Variants in SIPA1L1 observed in about 807,000 individuals in gnomAD.
SIPA1L1 encodes signal induced proliferation associated 1 like 1.
SIPA1L1 carries 26 observed loss-of-function variants against 162.7 expected under a neutral mutation model. That is an observed-to-expected ratio of 0.16 (90% CI 0.12 to 0.22). SIPA1L1 has a LOEUF of 0.22. SIPA1L1 is among the 10% of genes least tolerant of loss of function. SIPA1L1 has a pLI of 1.00. For missense variants in SIPA1L1, 1,874 were observed against 2,241.0 expected (o/e 0.84, Z 3.31); for synonymous variants, 829 against 837.4 (o/e 0.99, Z 0.17).
At chr14:71,549,129 G>A (rs977106767) in intron 4 of SIPA1L1, among the ~76,000 whole-genome samples, 12 of 152,182 alleles carry the variant, frequency 7.9e-5, no homozygotes, top group African/African-American at 1.2e-4. Flanking sequence ...AAGTGCTGGA[G>A]AAAGATTTGG....
At chr14:71,342,030 G>A (rs1413504392) in intron 2 of SIPA1L1, among the ~76,000 whole-genome samples, 3 of 151,934 alleles carry the variant, frequency 2.0e-5, no homozygotes, top group Non-Finnish European at 4.4e-5. Flanking sequence ...TGGAGACAGG[G>A]TCTCACTTTG....
chr14:71,358,334 A>G (rs774378305), intron 2 of SIPA1L1, among the ~76,000 whole-genome samples: 1 of 152,218 alleles, frequency 6.6e-6, no homozygotes, highest in Non-Finnish European at 1.5e-5. Flanking sequence ...AGCTGCAAAA[A>G]TGGAGGGGAT....
chr14:71,383,139 G>C (rs777347594), intron 2 of SIPA1L1, among the ~76,000 whole-genome samples: 2 of 152,158 alleles, frequency 1.3e-5, no homozygotes, highest in African/African-American at 4.8e-5. Context: ...AGTGTTTATT[G>C]AATGTTTAAC....
intron 2 of SIPA1L1, among the ~76,000 whole-genome samples, chr14:71,365,907 T>TTTTTTTTTTTTTTG (rs71105773): frequency 7.1e-6 from 1 of 140,030 alleles, no homozygotes; most frequent in Non-Finnish European, 1.5e-5. Flanking sequence ...TTTTTTTTTT[T>TTTTTTTTTTTTTTG]AAGAGATGGG....
chr14:71,696,055 TTC>T (rs1374348952), intron 13 of SIPA1L1, among the ~76,000 whole-genome samples: 5 of 152,184 alleles, frequency 3.3e-5, no homozygotes, highest in Admixed American at 1.3e-4. Context: ...TGTCTTGATC[TTC>T]TCTTATTAAA....
At chr14:71,547,107 A>G (rs1435027925) in intron 4 of SIPA1L1, among the ~76,000 whole-genome samples, 2 of 152,014 alleles carry the variant, frequency 1.3e-5, no homozygotes, top group African/African-American at 2.4e-5. Context: ...ATAGCTCTTT[A>G]GCTCTTGGTG....
At chr14:71,571,804 G>A (rs958112831) in intron 4 of SIPA1L1, among the ~76,000 whole-genome samples, 1 of 149,434 alleles carries the variant, frequency 6.7e-6, no homozygotes, top group Non-Finnish European at 1.5e-5. Context: ...ACCATGCCTG[G>A]CTCATTTTTT....
At chr14:71,631,100 T>A (rs1335985191) in intron 7 of SIPA1L1, among the ~76,000 whole-genome samples, 1 of 152,124 alleles carries the variant, frequency 6.6e-6, no homozygotes, top group African/African-American at 2.4e-5. Flanking sequence ...AGTTCCCACC[T>A]ATGAGTGAGA....
intron 4 of SIPA1L1, among the ~76,000 whole-genome samples, chr14:71,568,420 G>A (rs2031224925): frequency 6.6e-6 from 1 of 152,142 alleles, no homozygotes; most frequent in African/African-American, 2.4e-5. Flanking sequence ...GTATGGTGAG[G>A]GCCATTCACA....
chr14:71,644,010 G>C (rs908564416), intron 7 of SIPA1L1, among the ~76,000 whole-genome samples: 2 of 152,126 alleles, frequency 1.3e-5, no homozygotes, highest in Non-Finnish European at 2.9e-5. Context: ...ATTTCACCAT[G>C]TTAGTCAGGC....
intron 3 of SIPA1L1, among the ~76,000 whole-genome samples, chr14:71,522,350 T>C (rs1024129115): frequency 6.6e-6 from 1 of 152,204 alleles, no homozygotes; most frequent in Non-Finnish European, 1.5e-5. Flanking sequence ...GATTCAAGGA[T>C]TGGTGTGTCA....
chr14:71,724,709 G>A lies in SIPA1L1; in HGVS notation c.4488G>A (p.Arg1496=). 1 of 1,614,096 alleles carries A rather than the reference G, an allele frequency of 6.2e-7. No homozygotes were observed. Among genetic ancestry groups the A allele is most frequent in the Non-Finnish European group, 8.5e-7 (1 of 1,180,006 alleles). ...QSDGNEIAHT[R]LRASTRDLRA... is the part of the protein sequence containing the mutation. ...ATGGCAATGAAATAGCCCACACCAG[G>A]CTGCGTGCCTCAACCAGAGACCTCC... The change falls in exon 19 of 24, where the codon AGG becomes AGA. Residue 1496 remains arginine, a synonymous_variant. Coordinates refer to ENST00000381232, the MANE Select transcript of SIPA1L1 (RefSeq NM_001386936.1).
chr14:71,347,101 G>A (rs1042985104), intron 2 of SIPA1L1, among the ~76,000 whole-genome samples: 1 of 151,200 alleles, frequency 6.6e-6, no homozygotes, highest in Non-Finnish European at 1.5e-5. Context: ...ACAGGCACAC[G>A]CCACTACGTC....
intron 2 of SIPA1L1, among the ~76,000 whole-genome samples, chr14:71,413,487 C>T (rs1404837066): frequency 1.3e-5 from 2 of 152,190 alleles, no homozygotes; most frequent in Admixed American, 6.5e-5. Context: ...CCTGTAATCC[C>T]AGCATTTTGG....
chr14:71,648,522 T>C (rs180747320), intron 7 of SIPA1L1, among the ~76,000 whole-genome samples: 6 of 152,278 alleles, frequency 3.9e-5, no homozygotes, highest in Non-Finnish European at 7.3e-5. Flanking sequence ...TCCCTTAATA[T>C]AAAGTGGCAG....
chr14:71,595,816 A>G (rs1379288612), intron 5 of SIPA1L1, among the ~76,000 whole-genome samples: 3 of 151,958 alleles, frequency 2.0e-5, no homozygotes, highest in African/African-American at 7.3e-5. Flanking sequence ...CTTTATCTTC[A>G]TTGTGTTCAA....
At chr14:71,320,991 A>AC (rs2032732574) in intron 1 of SIPA1L1, 131 bp from the exon 2 acceptor site, 1 of 147,882 alleles carries the variant, frequency 6.8e-6, no homozygotes, top group Admixed American at 6.7e-5. Flanking sequence ...GGCTGATTCC[A>AC]CCCCCGCCTC....
intron 2 of SIPA1L1, among the ~76,000 whole-genome samples, chr14:71,506,712 TA>T (rs1567121211): frequency 1.3e-5 from 2 of 152,180 alleles, no homozygotes; most frequent in South Asian, 4.1e-4. Flanking sequence ...CTTTAATGTT[TA>T]TTTTTTTGAT....
At chr14:71,711,433 G>A (rs1297024068) in intron 17 of SIPA1L1, among the ~76,000 whole-genome samples, 1 of 152,192 alleles carries the variant, frequency 6.6e-6, no homozygotes, top group Non-Finnish European at 1.5e-5. Context: ...TGGTTTTTAA[G>A]TTTAGTTTGA....
Sources: allele counts gnomAD v4.1 joint callset (sites outside exome capture counted in the v4.1 genomes callset), GRCh38; gene constraint gnomAD v4.1.1; transcripts MANE v1.5; gene names NCBI Gene and HGNC (gene_info 2026-07-23, HGNC 2026-07-21).